The following CDYL2 variants were observed in gnomAD, a reference collection of about 807,000 sequenced individuals.
CDYL2 encodes chromodomain Y like 2.
CDYL2 carries 23 observed loss-of-function variants against 49.4 expected under a neutral mutation model. The observed-to-expected ratio is 0.47, with a 90% CI of 0.34 to 0.66. CDYL2 has a LOEUF of 0.66. Ranked by LOEUF, CDYL2 falls within the 30% of genes least tolerant of loss-of-function variation. The probability of loss-of-function intolerance (pLI) is 0.01; values close to 1 mark genes in which losing one functional copy is unlikely to be tolerated. For synonymous variants in CDYL2, 360 were observed against 268.8 expected (o/e 1.34, Z -3.32); for missense variants, 678 against 656.4 (o/e 1.03, Z -0.36).
chr16:80,771,762 G>C (rs992042751), intron 1 of CDYL2, among the ~76,000 whole-genome samples: 5 of 152,004 alleles, frequency 3.3e-5, no homozygotes, highest in African/African-American at 1.2e-4. Flanking sequence ...AAACTGCAGA[G>C]CAGATTTCTA....
intron 1 of CDYL2, among the ~76,000 whole-genome samples, chr16:80,746,672 G>C (rs1366551890): frequency 6.6e-6 from 1 of 152,188 alleles, no homozygotes; most frequent in East Asian, 1.9e-4. Flanking sequence ...AACACTACCA[G>C]GTAGCTTAGA....
chr16:80,714,464 A>C (rs1383447276), intron 1 of CDYL2, among the ~76,000 whole-genome samples: 1 of 152,228 alleles, frequency 6.6e-6, no homozygotes, highest in East Asian at 1.9e-4. Context: ...CAATTACTAT[A>C]TGTCAACTAA....
chr16:80,693,646 T>A (rs1442546595), intron 1 of CDYL2, among the ~76,000 whole-genome samples: 4 of 152,204 alleles, frequency 2.6e-5, no homozygotes, highest in Non-Finnish European at 5.9e-5. Flanking sequence ...CATAAATGAA[T>A]CTTACATTCA....
chr16:80,777,352 A>G (rs1907121520), intron 1 of CDYL2, among the ~76,000 whole-genome samples: 1 of 152,126 alleles, frequency 6.6e-6, no homozygotes, highest in South Asian at 2.1e-4. Flanking sequence ...AAGTAAACAG[A>G]TGAAGGAATG....
At chr16:80,741,576 G>C (rs1245394281) in intron 1 of CDYL2, among the ~76,000 whole-genome samples, 1 of 151,994 alleles carries the variant, frequency 6.6e-6, no homozygotes, top group Non-Finnish European at 1.5e-5. Context: ...CATATTAATG[G>C]AAAAGGTCAC....
intron 1 of CDYL2, among the ~76,000 whole-genome samples, chr16:80,758,726 T>G (rs1906406118): frequency 6.6e-6 from 1 of 151,840 alleles, no homozygotes; most frequent in Non-Finnish European, 1.5e-5. Context: ...GTATTTTTAG[T>G]AGAGACAGGG....
At chr16:80,720,573 C>T (rs1904964162) in intron 1 of CDYL2, among the ~76,000 whole-genome samples, 1 of 152,238 alleles carries the variant, frequency 6.6e-6, no homozygotes, top group Non-Finnish European at 1.5e-5. Context: ...GGGTATTTTG[C>T]TCAGGAGTAT....
At chr16:80,659,159 T>C (rs532695471) in intron 2 of CDYL2, among the ~76,000 whole-genome samples, 84 of 152,256 alleles carry the variant, frequency 5.5e-4, no homozygotes, top group South Asian at 5.2e-3. Flanking sequence ...GAGCATCATA[T>C]CAGCTAGTTC....
rs1030911088 is a variant in CDYL2, at chr16:80,598,562, A to C, written c.*5826T>G. 1.3e-4 allele frequency: 20 copies of C among 152,216 alleles called. No individual in the cohort carries two copies. Among genetic ancestry groups the C allele is most frequent in the African/African-American group, 4.8e-4 (20 of 41,456 alleles). The allele number at this position is 152,216 out of a possible 1,614,324, so 9.4% of individuals were successfully genotyped here. A position where few individuals can be genotyped will look rare whatever the true frequency, so the allele number is the denominator to read the frequency against. Reference sequence around the variant, plus strand: ...TGGAAAGTGCAGGATCCTACTGTTCAGTATAGACATGTCTGAAAAATTCTT... The same window carrying C: ...TGGAAAGTGCAGGATCCTACTGTTCCGTATAGACATGTCTGAAAAATTCTT... On this transcript the variant is annotated 3_prime_UTR_variant, in exon 7 of 7. Coordinates refer to ENST00000570137, the MANE Select transcript of CDYL2 (RefSeq NM_152342.4).
At chr16:80,768,556 C>T (rs895079983) in intron 1 of CDYL2, among the ~76,000 whole-genome samples, 1 of 152,216 alleles carries the variant, frequency 6.6e-6, no homozygotes, top group Admixed American at 6.5e-5. Context: ...TATGTCCTTG[C>T]ATGGCACAAG....
chr16:80,774,058 T>C (rs1480454185), intron 1 of CDYL2, among the ~76,000 whole-genome samples: 1 of 152,168 alleles, frequency 6.6e-6, no homozygotes, highest in East Asian at 1.9e-4. Flanking sequence ...AACAGGTATT[T>C]ACTTTATAAT....
intron 3 of CDYL2, among the ~76,000 whole-genome samples, chr16:80,625,802 A>G (rs973025990): frequency 2.0e-5 from 3 of 152,196 alleles, no homozygotes; most frequent in African/African-American, 7.2e-5. Flanking sequence ...GCAGAATACA[A>G]TTGTCAAGGT....
At chr16:80,788,568 T>C (rs1021557605) in intron 1 of CDYL2, among the ~76,000 whole-genome samples, 1 of 152,198 alleles carries the variant, frequency 6.6e-6, no homozygotes, top group African/African-American at 2.4e-5. Flanking sequence ...TGCAAGACAG[T>C]GCTATGATAG....
At chr16:80,730,308 A>T (rs1905284483) in intron 1 of CDYL2, among the ~76,000 whole-genome samples, 1 of 152,124 alleles carries the variant, frequency 6.6e-6, no homozygotes, top group Admixed American at 6.5e-5. Flanking sequence ...CTGCCATTAG[A>T]GAATGCTACA....
At chr16:80,608,344 G>T in intron 5 of CDYL2, 109 bp from the exon 6 acceptor site, 1 of 1,217,398 alleles carries the variant, frequency 8.2e-7, no homozygotes, top group Non-Finnish European at 1.1e-6. Flanking sequence ...AAGGCATCTT[G>T]CCTTCCAGAT....
chr16:80,650,640 A>G (rs947625534), intron 2 of CDYL2, among the ~76,000 whole-genome samples: 1 of 152,194 alleles, frequency 6.6e-6, no homozygotes, highest in African/African-American at 2.4e-5. Context: ...AAGAAAGGAA[A>G]TCAGTATATT....
At chr16:80,795,544 A>C (rs1323898390) in intron 1 of CDYL2, among the ~76,000 whole-genome samples, 1 of 152,194 alleles carries the variant, frequency 6.6e-6, no homozygotes, top group Non-Finnish European at 1.5e-5. Context: ...ACAACACAGA[A>C]GCATGACAAT....
intron 2 of CDYL2, chr16:80,670,984 G>T (rs939652756): frequency 2.6e-5 from 12 of 455,978 alleles, no homozygotes; most frequent in African/African-American, 2.2e-4. Context: ...GCTGCCTCAG[G>T]ATTTTGTCTC....
intron 3 of CDYL2, among the ~76,000 whole-genome samples, chr16:80,626,900 A>G (rs978642787): frequency 2.6e-5 from 4 of 152,222 alleles, no homozygotes; most frequent in East Asian, 1.9e-4. Flanking sequence ...TGGTATCTCA[A>G]CCTTGCAAGT....
Sources: allele counts gnomAD v4.1 joint callset (sites outside exome capture counted in the v4.1 genomes callset), GRCh38; gene constraint gnomAD v4.1.1; transcripts MANE v1.5; gene names NCBI Gene and HGNC (gene_info 2026-07-23, HGNC 2026-07-21).